SGMS2: variants seen among roughly 807,000 people sequenced by gnomAD.
The protein encoded by SGMS2 is phosphatidylcholine:ceramide cholinephosphotransferase 2.
Under a neutral mutation model 43.8 loss-of-function variants are expected in SGMS2, and 21 were observed. The ratio of observed to expected loss-of-function variants is 0.48; its 90% CI spans 0.34 to 0.69. SGMS2 has a LOEUF of 0.69. Among genes scored for constraint, SGMS2 ranks in the 30% least tolerant of loss-of-function variants. The pLI, the probability that SGMS2 is intolerant of heterozygous loss-of-function variation, is 0.01. For synonymous variants in SGMS2, 167 were observed against 160.6 expected, an observed-to-expected ratio of 1.04 and a Z score of -0.30; for missense variants, 384 against 443.2, an observed-to-expected ratio of 0.87 and a Z score of 1.20.
chr4:107,904,073 T>C (rs559548617), intron 5 of SGMS2, among the ~76,000 whole-genome samples: 150 of 152,344 alleles, frequency 9.8e-4, no homozygotes, highest in South Asian at 1.7e-3. Context: ...GTCTTGTTCT[T>C]TGTAGGGTTG....
intron 5 of SGMS2, among the ~76,000 whole-genome samples, chr4:107,905,182 A>G (rs1293224954): frequency 1.3e-5 from 2 of 152,214 alleles, no homozygotes; most frequent in African/African-American, 4.8e-5. Context: ...TCACAGTTCC[A>G]CGTGGCTGAG....
intron 5 of SGMS2, among the ~76,000 whole-genome samples, chr4:107,907,614 AAAAT>A (rs932828018): frequency 6.6e-6 from 1 of 152,200 alleles, no homozygotes; most frequent in African/African-American, 2.4e-5. Context: ...TCCCTCTCAA[AAAAT>A]AAATAAATAA....
intron 1 of SGMS2, among the ~76,000 whole-genome samples, chr4:107,846,113 TTTA>T (rs1466819411): frequency 6.6e-6 from 1 of 152,104 alleles, no homozygotes; most frequent in African/African-American, 2.4e-5. Flanking sequence ...GCTGTTTTTT[TTTA>T]TTATTATAAT....
chr4:107,848,169 A>G (rs1201288521), intron 1 of SGMS2, among the ~76,000 whole-genome samples: 2 of 152,186 alleles, frequency 1.3e-5, no homozygotes, highest in African/African-American at 4.8e-5. Flanking sequence ...ATCATACAGT[A>G]TATAGCCTTT....
At chr4:107,901,529 C>T (rs1731109049) in intron 4 of SGMS2, among the ~76,000 whole-genome samples, 1 of 152,152 alleles carries the variant, frequency 6.6e-6, no homozygotes, top group Admixed American at 6.5e-5. Context: ...GTAATTGATG[C>T]CTGTACAACT....
At chr4:107,855,257 T>C (rs142258345) in intron 1 of SGMS2, among the ~76,000 whole-genome samples, 20 of 152,270 alleles carry the variant, frequency 1.3e-4, no homozygotes, top group Admixed American at 1.3e-4. Context: ...GATTTGTTCT[T>C]TTCTAGTTCC....
chr4:107,877,694 G>T (rs1382554809), intron 2 of SGMS2, among the ~76,000 whole-genome samples: 1 of 152,084 alleles, frequency 6.6e-6, no homozygotes, highest in Non-Finnish European at 1.5e-5. Flanking sequence ...TTAGTAAAAT[G>T]ATAGTTTAGG....
At chr4:107,869,534 G>A (rs574228280) in intron 2 of SGMS2, among the ~76,000 whole-genome samples, 19 of 152,264 alleles carry the variant, frequency 1.2e-4, no homozygotes, top group African/African-American at 4.3e-4. Context: ...AGAAACAATA[G>A]ATGTCAGAAG....
chr4:107,876,348 A>G (rs1188218899), intron 2 of SGMS2, among the ~76,000 whole-genome samples: 1 of 152,204 alleles, frequency 6.6e-6, no homozygotes, highest in Non-Finnish European at 1.5e-5. Flanking sequence ...TTCTAGCCAC[A>G]GCACCTGGTT....
chr4:107,875,086 G>A (rs913198707), intron 2 of SGMS2, among the ~76,000 whole-genome samples: 4 of 152,124 alleles, frequency 2.6e-5, no homozygotes, highest in Non-Finnish European at 5.9e-5. Flanking sequence ...CTTTAGAGAA[G>A]GTTTACCTTT....
chr4:107,838,164 G>A (rs975167964), intron 1 of SGMS2, among the ~76,000 whole-genome samples: 2 of 152,258 alleles, frequency 1.3e-5, no homozygotes, highest in South Asian at 2.1e-4. Flanking sequence ...GAGGAGGACC[G>A]AAAGAACAAT....
intron 1 of SGMS2, among the ~76,000 whole-genome samples, chr4:107,832,250 T>C (rs1725933067): frequency 6.6e-6 from 1 of 152,186 alleles, no homozygotes. Flanking sequence ...TATTTACGTA[T>C]ATATAAAATA....
At chr4:107,838,989 A>G (rs1221959819) in intron 1 of SGMS2, among the ~76,000 whole-genome samples, 9 of 151,990 alleles carry the variant, frequency 5.9e-5, no homozygotes, top group Admixed American at 5.9e-4. Flanking sequence ...CTCCACCACA[A>G]CCAAGCCAAT....
chr4:107,899,991 T>C (rs1185310351), intron 4 of SGMS2, among the ~76,000 whole-genome samples: 2 of 152,188 alleles, frequency 1.3e-5, no homozygotes, highest in African/African-American at 4.8e-5. Flanking sequence ...ATTAAGCTTA[T>C]GTACCAGGGA....
chr4:107,828,803 G>T (rs1725735340), intron 1 of SGMS2, among the ~76,000 whole-genome samples: 1 of 152,092 alleles, frequency 6.6e-6, no homozygotes, highest in Admixed American at 6.5e-5. Context: ...CGTTCCTTTA[G>T]CATATCTCAT....
rs202038967 is a variant in SGMS2, at chr4:107,895,862, G to A, written c.309G>A (p.Arg103=). ...TCATGATCACAGTTGTACATGAGAG[G>A]GTCCCTCCCAAGGAGCTTAGCCCTC... ...TTVMITVVHE[R]VPPKELSPPL... is the part of the protein sequence containing the mutation. The change falls in exon 3 of 7, where the codon AGG becomes AGA. Residue 103 remains arginine (R), a synonymous_variant. Coordinates refer to ENST00000690982, the MANE Select transcript of SGMS2 (RefSeq NM_001375905.1). 1.3e-5 allele frequency: 21 copies of A among 1,613,850 alleles called. No homozygotes were observed. The highest frequency in any genetic ancestry group is 1.6e-5 in the Non-Finnish European group (19 of 1,179,932).
Position 107,910,804 on chromosome 4 carries a change from G to T in SGMS2, c.*251G>T. On this transcript the variant is annotated 3_prime_UTR_variant, in exon 7 of 7. Coordinates refer to ENST00000690982, the MANE Select transcript of SGMS2 (RefSeq NM_001375905.1). ...CCCCACCCCGGGACTTTACTAATGAGCTTGTTAAAGAGGTGCCAAAGAACA... is the reference window on the plus strand; with the variant it reads ...CCCCACCCCGGGACTTTACTAATGATCTTGTTAAAGAGGTGCCAAAGAACA... 1 of 404,100 alleles carries T rather than the reference G, an allele frequency of 2.5e-6. No individual in the cohort carries two copies. The highest frequency in any genetic ancestry group is 4.5e-5 in the South Asian group (1 of 22,460). 25.0% of individuals were successfully genotyped at this position (404,100 alleles called of 1,614,324 possible). A position where few individuals can be genotyped will look rare whatever the true frequency, so the allele number is the denominator to read the frequency against.
intron 2 of SGMS2, among the ~76,000 whole-genome samples, 193 bp from the exon 3 acceptor site, chr4:107,895,117 A>T (rs369035628): frequency 6.6e-6 from 1 of 152,244 alleles, no homozygotes. Flanking sequence ...AAAAAGAGAC[A>T]AGAATTCCAA....
Position 107,881,441 on chromosome 4 carries a change from ATCATCTC to A in SGMS2, c.-244-13868_-244-13862del, listed in dbSNP as rs1420963353. Among the ~76,000 whole-genome samples the A allele has an allele frequency of 3.9e-5, 6 of 152,068 alleles. No homozygotes were observed. The East Asian group carries it at 1.2e-3, about 29-fold the overall frequency. On this transcript the variant is annotated intron_variant, in intron 2 of 6. Coordinates refer to ENST00000690982, the MANE Select transcript of SGMS2 (RefSeq NM_001375905.1). ...TCCTCTCTGACCTTGGGCAACGTACATCATCTCAATTTCTTTTTATTTTTTTTTTATT... is the reference window on the plus strand; with the variant it reads ...TCCTCTCTGACCTTGGGCAACGTACAAATTTCTTTTTATTTTTTTTTTATT...
Sources: gnomAD v4.1 joint callset for allele counts (sites outside exome capture counted in the v4.1 genomes callset) on GRCh38, gnomAD v4.1.1 for gene constraint, MANE v1.5 for transcripts, NCBI Gene and HGNC (gene_info 2026-07-23, HGNC 2026-07-21) for gene names.